The following METTL8 variants were observed in gnomAD, a reference collection of about 807,000 sequenced individuals.
The protein encoded by METTL8 is methyltransferase 8, tRNA N3-cytidine.
A neutral mutation model predicts 48.7 loss-of-function variants in METTL8; 32 were observed. That is an observed-to-expected ratio of 0.66 (90% CI 0.50 to 0.88). The LOEUF (loss-of-function observed/expected upper bound fraction) is 0.88, where lower values mean the gene tolerates loss of function less well. Ranked by LOEUF, METTL8 falls within the 40% of genes least tolerant of loss-of-function variation. The pLI is 0.00. For missense variants in METTL8, 464 were observed against 474.4 expected (o/e 0.98, Z 0.20); for synonymous variants, 136 against 157.1 (o/e 0.87, Z 1.01).
intron 1 of METTL8, among the ~76,000 whole-genome samples, chr2:171,412,533 C>A (rs1169389907): frequency 6.6e-6 from 1 of 151,538 alleles, no homozygotes; most frequent in Non-Finnish European, 1.5e-5. Context: ...AGGCAGTCTT[C>A]AAAAGGCTAA....
At chr2:171,332,040 C>A in intron 5 of METTL8, 173 bp from the exon 6 acceptor site, 1 of 515,928 alleles carries the variant, frequency 1.9e-6, no homozygotes, top group Non-Finnish European at 3.5e-6. Flanking sequence ...TGTGCCTCAC[C>A]ATGCCCAGCT....
intron 9 of METTL8, among the ~76,000 whole-genome samples, chr2:171,325,317 C>G (rs1684838798): frequency 6.6e-6 from 1 of 151,974 alleles, no homozygotes; most frequent in Non-Finnish European, 1.5e-5. Context: ...TCCCAAGTAG[C>G]TAGGACTACA....
chr2:171,339,806 T>G (rs1340002015), intron 3 of METTL8, among the ~76,000 whole-genome samples: 1 of 152,218 alleles, frequency 6.6e-6, no homozygotes, highest in Admixed American at 6.5e-5. Flanking sequence ...ATCTTAATAG[T>G]TTAGCCAATT....
At chr2:171,331,909 A>G in intron 5 of METTL8, 42 bp from the exon 6 acceptor site, 1 of 1,458,256 alleles carries the variant, frequency 6.9e-7, no homozygotes, top group Non-Finnish European at 9.4e-7. Flanking sequence ...TTTTGGAGAC[A>G]GGGTCTTGCG....
At chr2:171,385,595 T>C (rs1237183484) in intron 2 of METTL8, among the ~76,000 whole-genome samples, 1 of 152,270 alleles carries the variant, frequency 6.6e-6, no homozygotes, top group African/African-American at 2.4e-5. Flanking sequence ...ACAGTATGTA[T>C]CTGTGTTGGT....
chr2:171,410,310 T>C (rs1690619266), intron 1 of METTL8, among the ~76,000 whole-genome samples: 1 of 152,212 alleles, frequency 6.6e-6, no homozygotes, highest in South Asian at 2.1e-4. Context: ...TTGTTTATTT[T>C]AAATGGTCTT....
At chr2:171,402,206 C>G (rs1689715971) in intron 1 of METTL8, among the ~76,000 whole-genome samples, 1 of 151,778 alleles carries the variant, frequency 6.6e-6, no homozygotes, top group African/African-American at 2.4e-5. Flanking sequence ...AGGATTAGCA[C>G]AAATAAAGAT....
intron 3 of METTL8, among the ~76,000 whole-genome samples, chr2:171,340,541 A>G (rs1349105367): frequency 6.6e-6 from 1 of 151,394 alleles, no homozygotes; most frequent in Non-Finnish European, 1.5e-5. Flanking sequence ...GCAGTGAGAC[A>G]GAGTGAGACC....
intron 3 of METTL8, among the ~76,000 whole-genome samples, chr2:171,342,590 C>CA (rs1205975014): frequency 2.0e-5 from 3 of 150,200 alleles, no homozygotes; most frequent in Non-Finnish European, 4.4e-5. Flanking sequence ...AGGGTCTTCT[C>CA]AAGCTTTCTC....
chr2:171,318,209 A>G lies in METTL8; in HGVS notation c.*5963T>C, dbSNP rs1228327158. The G allele has an allele frequency of 1.3e-5, 2 of 152,200 alleles. No homozygotes were observed. Among genetic ancestry groups the G allele is most frequent in the Non-Finnish European group, 2.9e-5 (2 of 68,032 alleles). 9.4% of individuals were successfully genotyped at this position (152,200 alleles called of 1,614,324 possible). A position where few individuals can be genotyped will look rare whatever the true frequency, so the allele number is the denominator to read the frequency against. Reference sequence around the variant, plus strand: ...TTCTATTTATATTTATAACTACACCAAAGCCATCTTGCGGGTACCTTTGCG... The same window carrying G: ...TTCTATTTATATTTATAACTACACCGAAGCCATCTTGCGGGTACCTTTGCG... On this transcript the variant is annotated 3_prime_UTR_variant, in exon 10 of 10. Coordinates refer to ENST00000375258, the MANE Select transcript of METTL8 (RefSeq NM_001321154.2).
At chr2:171,388,890 A>T (rs1323525666) in intron 2 of METTL8, among the ~76,000 whole-genome samples, 1 of 152,200 alleles carries the variant, frequency 6.6e-6, no homozygotes, top group South Asian at 2.1e-4. Context: ...AGTACCATGA[A>T]CCATATCCAT....
At chr2:171,391,280 A>G (rs565663222) in intron 2 of METTL8, among the ~76,000 whole-genome samples, 12 of 152,374 alleles carry the variant, frequency 7.9e-5, no homozygotes, top group Non-Finnish European at 1.8e-4. Context: ...AAGAGACTAC[A>G]GTATAGTGTA....
At chr2:171,416,061 T>C (rs2105639083) in intron 1 of METTL8, among the ~76,000 whole-genome samples, 1 of 152,360 alleles carries the variant, frequency 6.6e-6, no homozygotes, top group South Asian at 2.1e-4. Context: ...TCATCAACTA[T>C]GGCAGGCACT....
chr2:171,343,580 T>A (rs1381409676), intron 3 of METTL8, among the ~76,000 whole-genome samples: 2 of 152,122 alleles, frequency 1.3e-5, no homozygotes, highest in African/African-American at 4.8e-5. Context: ...AGTTGAAAAT[T>A]TGAAGCAATG....
intron 2 of METTL8, among the ~76,000 whole-genome samples, chr2:171,384,762 G>A (rs1049977534): frequency 1.3e-5 from 2 of 151,744 alleles, no homozygotes; most frequent in Admixed American, 6.6e-5. Context: ...AGCCTAGGAG[G>A]TCAAAACTGC....
chr2:171,329,478 A>G (rs561262734), intron 7 of METTL8, among the ~76,000 whole-genome samples: 2 of 152,338 alleles, frequency 1.3e-5, no homozygotes, highest in South Asian at 2.1e-4. Context: ...AAACACATAG[A>G]TGACAACTTT....
chr2:171,343,265 C>T (rs993810529), intron 3 of METTL8, among the ~76,000 whole-genome samples: 3 of 152,096 alleles, frequency 2.0e-5, no homozygotes, highest in African/African-American at 7.2e-5. Context: ...CATGGAGAAA[C>T]CCCATCTCTA....
Position 171,392,094 on chromosome 2 carries a change from A to G in METTL8, c.92T>C (p.Leu31Pro). 6.4e-7 allele frequency: 1 copy of G among 1,551,696 alleles called. No individual in the cohort carries two copies. Among genetic ancestry groups the G allele is most frequent in the East Asian group, 2.4e-5 (1 of 40,928 alleles). ...TGGGTCAGTTAAAATCCTTGATCCCAGAGGGGCCACTGGGTGGTAACCACT... is the reference window on the plus strand; with the variant it reads ...TGGGTCAGTTAAAATCCTTGATCCCGGAGGGGCCACTGGGTGGTAACCACT... ...YQSGYHPVAP[L>P]GSRILTDPAK... Residue 31 changes from leucine (L) to proline (P), a missense_variant, in exon 2 of 10, where the codon CTG becomes CCG. Coordinates refer to ENST00000375258, the MANE Select transcript of METTL8 (RefSeq NM_001321154.2).
At chr2:171,387,373 A>G (rs1429545788) in intron 2 of METTL8, among the ~76,000 whole-genome samples, 1 of 151,908 alleles carries the variant, frequency 6.6e-6, no homozygotes, top group African/African-American at 2.4e-5. Flanking sequence ...CGAGGGGGAC[A>G]TAGGAGCTTT....
Sources: gnomAD v4.1 joint callset for allele counts (sites outside exome capture counted in the v4.1 genomes callset) on GRCh38, gnomAD v4.1.1 for gene constraint, MANE v1.5 for transcripts, NCBI Gene and HGNC (gene_info 2026-07-23, HGNC 2026-07-21) for gene names.